PRRC2A: variants seen among roughly 807,000 people sequenced by gnomAD.
PRRC2A encodes the protein protein PRRC2A.
In PRRC2A, 59 loss-of-function variants were observed where a neutral mutation model predicts 224.6. The ratio of observed to expected loss-of-function variants is 0.26; its 90% CI spans 0.21 to 0.33. The LOEUF (loss-of-function observed/expected upper bound fraction) is 0.33, where lower values mean the gene tolerates loss of function less well. PRRC2A is among the 10% of genes least tolerant of loss of function. The pLI, the probability that PRRC2A is intolerant of heterozygous loss-of-function variation, is 1.00. For synonymous variants in PRRC2A, 1,194 were observed against 1,109.5 expected (o/e 1.08, Z -1.51); for missense variants, 3,095 against 2,880.7 (o/e 1.07, Z -1.70).
intron 2 of PRRC2A, chr6:31,623,191 G>T: frequency 1.5e-6 from 1 of 688,532 alleles, no homozygotes; most frequent in Non-Finnish European, 2.7e-6. Context: ...GCAGGCTCAT[G>T]ATCAACCAAT....
Position 31,635,676 on chromosome 6 carries a change from C to T in PRRC2A, c.5468C>T (p.Pro1823Leu), listed in dbSNP as rs115028652. Reference protein sequence around the residue: ...SKNLDSGHCVPEPSSSGQRLY... With the variant: ...SKNLDSGHCVLEPSSSGQRLY... ...AACCTGGATTCTGGGCACTGTGTCC[C>T]GGAGCCCAGCTCCTCAGGCCAGCGC... Residue 1823 changes from proline to leucine, a missense_variant, in exon 24 of 31, where the codon CCG becomes CTG. This residue lies in a region of PRRC2A where 662 missense variants were observed against 609.5 expected (regional missense o/e 1.09). Transcript: ENST00000376033. 1.9e-4 allele frequency: 301 copies of T among 1,612,806 alleles called. No homozygotes were observed. The East Asian group carries it at 3.9e-3, about 21-fold the overall frequency.
chr6:31,624,578 C>T lies in PRRC2A; in HGVS notation c.463+56C>T, dbSNP rs558946648. 4.0e-5 allele frequency: 61 copies of T among 1,532,526 alleles called. No individual in the cohort carries two copies. In the South Asian group the frequency reaches 6.8e-4, roughly 17 times the overall value. 94.9% of individuals were successfully genotyped at this position (1,532,526 alleles called of 1,614,324 possible). On this transcript the variant is annotated intron_variant, in intron 5 of 30. Transcript: ENST00000376033. ...TCTGGGCACCATGGGATGCATGAAC[C>T]CTGCACTGTATTTTCAGCCAAGTGA...
chr6:31,633,926 G>A lies in PRRC2A; in HGVS notation c.4656G>A (p.Gly1552=), dbSNP rs1028586018. 1.3e-6 allele frequency: 2 copies of A among 1,591,402 alleles called. No homozygotes were observed. The highest frequency in any genetic ancestry group is 1.4e-5 in the African/African-American group (1 of 73,210). ...GTGGGACTCCTCGGGACTCTGCCGG[G>A]GTTAGTCCCTTTCCCCCTAAACGTC... ...GVGGTPRDSA[G]VSPFPPKRRE... The change falls in exon 18 of 31, where the codon GGG becomes GGA. Residue 1552 remains glycine (G), a synonymous_variant. Coordinates refer to ENST00000376033, the MANE Select transcript of PRRC2A (RefSeq NM_004638.4).
chr6:31,626,786 G>A lies in PRRC2A; in HGVS notation c.997G>A (p.Val333Ile), dbSNP rs764872872. Residue 333 changes from valine (V) to isoleucine (I), a missense_variant, in exon 10 of 31, where the codon GTT (valine) becomes ATT (isoleucine). Coordinates refer to ENST00000376033, the MANE Select transcript of PRRC2A (RefSeq NM_004638.4). Reference protein sequence around the residue: ...DDGWAGAHEEVDYTEKLKFSD... With the variant: ...DDGWAGAHEEIDYTEKLKFSD... Reference sequence around the variant, plus strand: ...TTTCCCCTCAGGGGCCCATGAAGAGGTTGACTACACTGAAAAGCTCAAGTT... The same window carrying A: ...TTTCCCCTCAGGGGCCCATGAAGAGATTGACTACACTGAAAAGCTCAAGTT... 6.3e-7 allele frequency: 1 copy of A among 1,583,606 alleles called. No individual in the cohort carries two copies. The highest frequency in any genetic ancestry group is 8.6e-7 in the Non-Finnish European group (1 of 1,164,812).
Position 31,632,680 on chromosome 6 carries a change from G to A in PRRC2A, c.4007G>A (p.Gly1336Glu), listed in dbSNP as rs375115254. ...ESSDFTSERR[G>E]DKEAPPPVLL... ...AGTGACTTCACCAGTGAGCGCCGAGGGGACAAAGAGGCACCCCCACCAGTA... is the reference window on the plus strand; with the variant it reads ...AGTGACTTCACCAGTGAGCGCCGAGAGGACAAAGAGGCACCCCCACCAGTA... The change falls in exon 16 of 31, where the codon GGG becomes GAG. Residue 1336 changes from glycine (G) to glutamate (E), a missense_variant. This residue lies in a region of PRRC2A where 2,001 missense variants were observed against 1,764.9 expected (regional missense o/e 1.13). Transcript: ENST00000376033. The A allele has an allele frequency of 2.4e-5, 38 of 1,613,002 alleles. No individual in the cohort carries two copies. The highest frequency in any genetic ancestry group is 3.2e-5 in the Non-Finnish European group (38 of 1,180,038).
rs951153451 is a variant in PRRC2A at position 31,636,142 on chromosome 6, A to G, written c.5625-67A>G. ...ACACAGTTCTAGGGTACTAGAAGCT[A>G]GTGGACTTAAGGCATTGCTAGGACT... is the stretch of plus-strand genomic sequence containing the variant. On this transcript the variant is annotated intron_variant, in intron 25 of 30. Coordinates refer to ENST00000376033, the MANE Select transcript of PRRC2A (RefSeq NM_004638.4). This position sits in a 1 kb window ranked among gnomAD's most constrained non-coding sequence, Gnocchi z 4.3. The G allele has an allele frequency of 2.6e-6, 4 of 1,556,108 alleles. No homozygotes were observed. The highest frequency in any genetic ancestry group is 3.5e-6 in the Non-Finnish European group (4 of 1,127,772).
rs1346995292 is a variant in PRRC2A at position 31,635,469 on chromosome 6, A to G, written c.5373+4A>G. On this transcript the variant is annotated splice_donor_region_variant and intron_variant, in intron 23 of 30. Transcript: ENST00000376033. The stretch of plus-strand genomic sequence containing the variant: ...GCTAACAGCATCAGTCACTGAGGTA[A>G]GTGGGAGTAAGAGTTTGGTGGAAAG... 1 of 1,613,894 alleles carries G rather than the reference A, an allele frequency of 6.2e-7. No individual in the cohort carries two copies. Among genetic ancestry groups the G allele is most frequent in the Non-Finnish European group, 8.5e-7 (1 of 1,179,942 alleles).
intron 9 of PRRC2A, among the ~76,000 whole-genome samples, chr6:31,626,411 A>T (rs776413960): frequency 6.6e-6 from 1 of 151,790 alleles, no homozygotes; most frequent in African/African-American, 2.4e-5. Context: ...AAAATTTTTT[A>T]GTTGGGTGTG....
In PRRC2A at chr6:31,633,476, C is replaced by T; in HGVS notation, c.4417C>T (p.Pro1473Ser). The change falls in exon 17 of 31, where the codon CCT becomes TCT. Residue 1473 changes from proline to serine, a missense_variant. Physicochemically the swap from Pro to Ser is moderately conservative, Grantham distance 74 (BLOSUM62 -1). This residue lies in a region of PRRC2A where 2,001 missense variants were observed against 1,764.9 expected (regional missense o/e 1.13). Transcript: ENST00000376033. ...FRLDQVIHSNPAGIQQALAQL... is the reference protein window; with the variant it reads ...FRLDQVIHSNSAGIQQALAQL... ...CCTGGACCAAGTTATCCACAGCAACCCTGCTGGCATCCAACAGGCTCTGGC... is the reference window on the plus strand; with the variant it reads ...CCTGGACCAAGTTATCCACAGCAACTCTGCTGGCATCCAACAGGCTCTGGC... 1 of 1,613,108 alleles carries T rather than the reference C, an allele frequency of 6.2e-7. No homozygotes were observed. Among genetic ancestry groups the T allele is most frequent in the Non-Finnish European group, 8.5e-7 (1 of 1,180,034 alleles).
At position 31,627,995 on chromosome 6, in the gene PRRC2A, G is replaced by T. The variant is rs762231943; in HGVS notation, c.1521G>T (p.Glu507Asp). The T allele has an allele frequency of 1.6e-5, 25 of 1,612,640 alleles. No homozygotes were observed. The highest frequency in any genetic ancestry group is 2.0e-5 in the Non-Finnish European group (24 of 1,179,952). Reference protein sequence around the residue: ...FGAPDKRLKAEPAAPPAAPST... With the variant: ...FGAPDKRLKADPAAPPAAPST... ...CACCTGACAAGCGGCTCAAAGCAGA[G>T]CCTGCTGCCCCACCTGCTGCCCCTT... The change falls in exon 12 of 31, where the codon GAG becomes GAT. Residue 507 changes from glutamate (E) to aspartate (D), a missense_variant. This residue lies in a region of PRRC2A where 2,001 missense variants were observed against 1,764.9 expected (regional missense o/e 1.13). Transcript: ENST00000376033. The surrounding 1 kb of genome is among the most constrained non-coding windows in gnomAD (Gnocchi z 5.6).
At position 31,631,750 on chromosome 6, in the gene PRRC2A, G is replaced by T; in HGVS notation, c.3077G>T (p.Arg1026Leu). Reference sequence around the variant, plus strand: ...GTGGGTCCTACCTCTTGCCGGGGTCGGGGCCGAGGCGAGTATTTTGCCAGA... The same window carrying T: ...GTGGGTCCTACCTCTTGCCGGGGTCTGGGCCGAGGCGAGTATTTTGCCAGA... ...ERVGPTSCRG[R>L]GRGEYFARGR... Residue 1026 changes from arginine to leucine, a missense_variant, in exon 16 of 31, where the codon CGG becomes CTG. Around this residue, in one of 8 missense-constraint regions of PRRC2A, gnomAD observed 2,001 missense variants for 1,764.9 expected, o/e 1.13. Transcript: ENST00000376033. This position sits in a 1 kb window ranked among gnomAD's most constrained non-coding sequence, Gnocchi z 4.5. 6.5e-7 allele frequency: 1 copy of T among 1,535,638 alleles called. No homozygotes were observed. Among genetic ancestry groups the T allele is most frequent in the Non-Finnish European group, 8.8e-7 (1 of 1,140,466 alleles).
intron 2 of PRRC2A, chr6:31,623,317 G>C (rs1583178358): frequency 2.3e-6 from 1 of 433,270 alleles, no homozygotes; most frequent in East Asian, 5.2e-5. Context: ...GCCCAGGCTG[G>C]AGTGCAATGG....
intron 1 of PRRC2A, 69 bp downstream of exon 1, chr6:31,620,927 C>CGGTGGCGGCGGCGGCGGCGGTGGT (rs773822172): frequency 6.4e-6 from 1 of 155,088 alleles, no homozygotes; most frequent in East Asian, 1.9e-4. Context: ...GTGGCGGTGG[C>CGGTGGCGGCGGCGGCGGCGGTGGT]GGCGGCGGCG....
rs768820373 is a variant in PRRC2A, at chr6:31,629,249, G to C, written c.1871G>C (p.Gly624Ala). 6.2e-7 allele frequency: 1 copy of C among 1,612,786 alleles called. No individual in the cohort carries two copies. Among genetic ancestry groups the C allele is most frequent in the South Asian group, 1.1e-5 (1 of 90,922 alleles). Residue 624 changes from glycine to alanine, a missense_variant, in exon 13 of 31, where the codon GGT becomes GCT. Gly to Ala is a moderately conservative substitution (Grantham distance 60). Around this residue, in one of 8 missense-constraint regions of PRRC2A, gnomAD observed 2,001 missense variants for 1,764.9 expected, o/e 1.13. Transcript: ENST00000376033. The part of the protein sequence containing the change: ...PKVEPKGDGI[G>A]PTRQPPSQGL... ...GTGGAACCCAAGGGTGATGGGATTGGTCCCACCCGCCAGCCCCCTAGTCAG... is the reference window on the plus strand; with the variant it reads ...GTGGAACCCAAGGGTGATGGGATTGCTCCCACCCGCCAGCCCCCTAGTCAG...
chr6:31,629,851 G>A lies in PRRC2A; in HGVS notation c.2254+6G>A, dbSNP rs1355778845. Reference sequence around the variant, plus strand: ...TCCTGGTGTGCATCCCTCTGGTAAGGGGGCATGGGAGGAGTGAGAAACAGG... The same window carrying A: ...TCCTGGTGTGCATCCCTCTGGTAAGAGGGCATGGGAGGAGTGAGAAACAGG... On this transcript the variant is annotated splice_donor_region_variant and intron_variant, in intron 14 of 30. Coordinates refer to ENST00000376033, the MANE Select transcript of PRRC2A (RefSeq NM_004638.4). The A allele has an allele frequency of 1.2e-6, 2 of 1,613,632 alleles. No individual in the cohort carries two copies. Among genetic ancestry groups the A allele is most frequent in the African/African-American group, 2.7e-5 (2 of 74,896 alleles).
Position 31,634,949 on chromosome 6 carries a change from C to T in PRRC2A, c.5132C>T (p.Pro1711Leu). ...PPGSEPPRRPPPAPHDGDRKE... is the reference protein window; with the variant it reads ...PPGSEPPRRPLPAPHDGDRKE... ...GGCTCTGAACCTCCTAGGAGACCAC[C>T]ACCTGCCCCCCACGATGGGGACAGA... Residue 1711 changes from proline to leucine, a missense_variant, in exon 21 of 31, where the codon CCA (proline) becomes CTA (leucine). Physicochemically the swap from Pro to Leu is moderately conservative, Grantham distance 98 (BLOSUM62 -3). Coordinates refer to ENST00000376033, the MANE Select transcript of PRRC2A (RefSeq NM_004638.4). 1 of 1,612,764 alleles carries T rather than the reference C, an allele frequency of 6.2e-7. No individual in the cohort carries two copies. Among genetic ancestry groups the T allele is most frequent in the African/African-American group, 1.3e-5 (1 of 75,056 alleles).
intron 12 of PRRC2A, 121 bp from the exon 13 acceptor site, chr6:31,629,023 T>G: frequency 9.8e-7 from 1 of 1,016,148 alleles, no homozygotes; most frequent in Non-Finnish European, 1.5e-6. Flanking sequence ...TTCAATAGAA[T>G]AGATGTTGAA....
Position 31,628,157 on chromosome 6 carries a change from A to G in PRRC2A, c.1683A>G (p.Pro561=). 6.2e-7 allele frequency: 1 copy of G among 1,613,080 alleles called. No homozygotes were observed. Among genetic ancestry groups the G allele is most frequent in the Non-Finnish European group, 8.5e-7 (1 of 1,180,012 alleles). ...QAPPAQSTPT[P]GVAAAPTLVS... is the part of the protein sequence containing the mutation. ...CTCCTGCCCAATCTACTCCTACTCC[A>G]GGTGTGGCTGCGGCTCCCACTCTGG... Residue 561 remains proline, a synonymous_variant, in exon 12 of 31, where the codon CCA becomes CCG. Coordinates refer to ENST00000376033, the MANE Select transcript of PRRC2A (RefSeq NM_004638.4).
At chr6:31,635,776 C>T (rs749210592) in intron 24 of PRRC2A, 27 bp downstream of exon 24, 8 of 1,555,240 alleles carry the variant, frequency 5.1e-6, no homozygotes, top group Non-Finnish European at 5.2e-6. Context: ...ATTGCATGAC[C>T]CCTTCAGTGA....
Sources: allele counts gnomAD v4.1 joint callset (sites outside exome capture counted in the v4.1 genomes callset), GRCh38; gene constraint gnomAD v4.1.1; regional missense constraint gnomAD v4.1.1; non-coding constraint Gnocchi (gnomAD v3.1); transcripts MANE v1.5; gene names NCBI Gene and HGNC (gene_info 2026-07-23, HGNC 2026-07-21).